The following ABR variants were observed in gnomAD, a reference collection of about 807,000 sequenced individuals.
The protein encoded by ABR is active breakpoint cluster region-related protein.
In ABR, 35 loss-of-function variants were observed where a neutral mutation model predicts 107.2. The ratio of observed to expected loss-of-function variants is 0.33; its 90% CI spans 0.25 to 0.43. The LOEUF is 0.43. Ranked by LOEUF, ABR falls within the 20% of genes least tolerant of loss-of-function variation. The probability of loss-of-function intolerance (pLI) is 1.00; values close to 1 mark genes in which losing one functional copy is unlikely to be tolerated. For synonymous variants in ABR, 498 were observed against 462.0 expected, an observed-to-expected ratio of 1.08 and a Z score of -1.00; for missense variants, 815 against 1,115.2, an observed-to-expected ratio of 0.73 and a Z score of 3.83.
At chr17:1,031,776 G>T (rs1269517462) in intron 16 of ABR, 3 of 1,230,058 alleles carry the variant, frequency 2.4e-6, no homozygotes, top group Non-Finnish European at 3.0e-6. Flanking sequence ...TGGAGAGAAG[G>T]CGCCTGTGGA....
chr17:1,083,464 T>C, intron 5 of ABR, 56 bp downstream of exon 5: 1 of 1,350,514 alleles, frequency 7.4e-7, no homozygotes, highest in Non-Finnish European at 1.0e-6. Context: ...CCAAGGGCTC[T>C]GAGCAGCCCC....
Position 1,018,230 on chromosome 17 carries a change from G to C in ABR, c.1792-5066C>G, listed in dbSNP as rs1024861700. Among the ~76,000 whole-genome samples, 4 of 151,800 alleles carry C rather than the reference G, an allele frequency of 2.6e-5. No homozygotes were observed. In the East Asian group the frequency reaches 7.9e-4, roughly 30 times the overall value. On this transcript the variant is annotated intron_variant, in intron 16 of 22. Coordinates refer to ENST00000302538, the MANE Select transcript of ABR (RefSeq NM_021962.5). Reference sequence around the variant, plus strand: ...GCTAATTTTTTGTATTTTTAGTAGAGACGGGGTTTCACCGTGTTAGCCAGG... The same window carrying C: ...GCTAATTTTTTGTATTTTTAGTAGACACGGGGTTTCACCGTGTTAGCCAGG...
At chr17:1,012,566 GC>G in intron 18 of ABR, 121 bp downstream of exon 18, 1 of 763,420 alleles carries the variant, frequency 1.3e-6, no homozygotes, top group Non-Finnish European at 2.3e-6. Flanking sequence ...ATCTGCCACC[GC>G]CGAGCGGGGG....
rs1447011819 is a variant in ABR, at chr17:1,222,137, T to C, written c.838+6656A>G. On this transcript the variant is annotated intron_variant, in intron 1 of 22. Transcript: ENST00000574139. Reference sequence around the variant, plus strand: ...TGGAGTGCAGAGTCGTGATCTCGGCTCACTGCAACCTCTGCCTCCCGGGTT... The same window carrying C: ...TGGAGTGCAGAGTCGTGATCTCGGCCCACTGCAACCTCTGCCTCCCGGGTT... Among the ~76,000 whole-genome samples, 5 of 149,206 alleles carry C rather than the reference T, an allele frequency of 3.4e-5. No homozygotes were observed. In the Admixed American group the frequency reaches 3.4e-4, roughly 10 times the overall value.
Position 1,013,122 on chromosome 17 carries a change from C to G in ABR, c.1834G>C (p.Val612Leu). Residue 612 changes from valine (V) to leucine (L), a missense_variant, in exon 17 of 23, where the codon GTG becomes CTG. By Grantham distance (32) the Val-to-Leu change is conservative. This residue lies in a region of ABR where 92 missense variants were observed against 82.3 expected (regional missense o/e 1.12). Coordinates refer to ENST00000302538, the MANE Select transcript of ABR (RefSeq NM_021962.5). ...TVETKNWHTD[V>L]IEMNGIKVEF... ...CGGCTCACCCCGTTCATCTCAATCACGTCCGTGTGCCAGTTCTTGGTCTCC... is the reference window on the plus strand; with the variant it reads ...CGGCTCACCCCGTTCATCTCAATCAGGTCCGTGTGCCAGTTCTTGGTCTCC... The G allele has an allele frequency of 1.2e-6, 2 of 1,614,160 alleles. No individual in the cohort carries two copies. Among genetic ancestry groups the G allele is most frequent in the Non-Finnish European group, 1.7e-6 (2 of 1,180,000 alleles).
At chr17:1,014,343 A>G (rs1046543620) in intron 16 of ABR, among the ~76,000 whole-genome samples, 2 of 132,140 alleles carry the variant, frequency 1.5e-5, no homozygotes, top group African/African-American at 5.8e-5. Context: ...TGGGAGGCTG[A>G]GGCAGGAGAA....
intron 4 of ABR, among the ~76,000 whole-genome samples, chr17:1,086,307 G>C (rs974371703): frequency 3.9e-5 from 6 of 152,176 alleles, no homozygotes; most frequent in Non-Finnish European, 7.3e-5. Context: ...TCATAGTGGA[G>C]GGACTGGTAA....
intron 3 of ABR, among the ~76,000 whole-genome samples, chr17:1,098,666 G>C (rs1368215762): frequency 6.6e-6 from 1 of 152,212 alleles, no homozygotes; most frequent in East Asian, 1.9e-4. Context: ...GCCAAGTCTT[G>C]CCCTAGCTCT....
intron 1 of ABR, among the ~76,000 whole-genome samples, chr17:1,203,370 G>T (rs1311394899): frequency 1.5e-5 from 2 of 130,988 alleles, no homozygotes; most frequent in East Asian, 2.2e-4. Flanking sequence ...GGTCCCCCGT[G>T]GGGGCGGGGC....
chr17:1,199,073 GCCT>G (rs2042624632), intron 1 of ABR, among the ~76,000 whole-genome samples: 1 of 144,548 alleles, frequency 6.9e-6, no homozygotes. Context: ...AAAAAGAGGT[GCCT>G]GGTTCCAAGG....
rs1020620066 is a variant in ABR at position 1,210,841 on chromosome 17, T to G, written c.838+17952A>C. ...ACCGTATTTTTGCATCCTTTTAACA[T>G]CAACCTGTAGGGCCAGATGGACGGA... On this transcript the variant is annotated intron_variant, in intron 1 of 22. Coordinates refer to the ABR transcript ENST00000574139. This position sits in a 1 kb window ranked among gnomAD's most constrained non-coding sequence, Gnocchi z 5.6. Among the ~76,000 whole-genome samples the G allele has an allele frequency of 8.5e-5, 13 of 152,266 alleles. No homozygotes were observed. In the East Asian group the frequency reaches 2.5e-3, roughly 29 times the overall value.
At chr17:1,220,433 G>A (rs939721569) in intron 1 of ABR, among the ~76,000 whole-genome samples, 4 of 152,162 alleles carry the variant, frequency 2.6e-5, no homozygotes, top group South Asian at 2.1e-4. Context: ...GGATCGCTGC[G>A]GAAAGACTTG....
chr17:1,076,725 GGGGTGGGGGGGGT>G (rs2035758095), intron 6 of ABR, among the ~76,000 whole-genome samples: 1 of 128,750 alleles, frequency 7.8e-6, no homozygotes, highest in African/African-American at 3.3e-5. Flanking sequence ...GGGGGGGGTG[GGGGTGGGGGGGGT>G]GGCGGCACTG....
At chr17:1,145,685 A>G (rs1026753516) in intron 1 of ABR, among the ~76,000 whole-genome samples, 1 of 152,224 alleles carries the variant, frequency 6.6e-6, no homozygotes, top group African/African-American at 2.4e-5. Flanking sequence ...AAGTAATGCC[A>G]GGTCCAGAGA....
intron 1 of ABR, among the ~76,000 whole-genome samples, chr17:1,194,713 G>A (rs1422626170): frequency 8.1e-6 from 1 of 123,486 alleles, no homozygotes; most frequent in Non-Finnish European, 1.7e-5. Context: ...GAGTGCAGTG[G>A]TGCGGTCTCA....
Position 1,010,774 on chromosome 17 carries a change from G to C in ABR, c.2191C>G (p.Pro731Ala), listed in dbSNP as rs201350298. 1 of 1,613,770 alleles carries C rather than the reference G, an allele frequency of 6.2e-7. No individual in the cohort carries two copies. The highest frequency in any genetic ancestry group is 8.5e-7 in the Non-Finnish European group (1 of 1,180,018). Reference protein sequence around the residue: ...LKLYFRELPEPLLTDRLYPAF... With the variant: ...LKLYFRELPEALLTDRLYPAF... ...GGGTAGAGTCGGTCCGTGAGGAGCG[G>C]CTCGGGCAGTTCCCGGAAGTACAGC... The change falls in exon 20 of 23, where the codon CCG becomes GCG. Residue 731 changes from proline to alanine, a missense_variant. Physicochemically the swap from Pro to Ala is conservative, Grantham distance 27. Transcript: ENST00000302538. This position sits in a 1 kb window ranked among gnomAD's most constrained non-coding sequence, Gnocchi z 4.1.
intron 2 of ABR, among the ~76,000 whole-genome samples, chr17:1,110,840 C>T (rs2151392410): frequency 6.6e-6 from 1 of 152,354 alleles, no homozygotes; most frequent in African/African-American, 2.4e-5. Context: ...CCACCCCACC[C>T]ATCTCCTTCC....
chr17:1,083,051 G>A (rs1043275235), intron 5 of ABR, among the ~76,000 whole-genome samples: 7 of 151,380 alleles, frequency 4.6e-5, no homozygotes, highest in African/African-American at 1.2e-4. Context: ...TTGAACCCAG[G>A]GGGTAGAGGT....
intron 1 of ABR, among the ~76,000 whole-genome samples, chr17:1,201,486 TAC>T (rs555316554): frequency 6.6e-6 from 1 of 151,784 alleles, no homozygotes; most frequent in Non-Finnish European, 1.5e-5. Flanking sequence ...ATAACACGGG[TAC>T]ACACACACAC....
Sources: gnomAD v4.1 joint callset for allele counts (sites outside exome capture counted in the v4.1 genomes callset) on GRCh38, gnomAD v4.1.1 for gene constraint, gnomAD v4.1.1 regional missense constraint, Gnocchi (gnomAD v3.1) non-coding constraint, MANE v1.5 for transcripts, NCBI Gene and HGNC (gene_info 2026-07-23, HGNC 2026-07-21) for gene names.